Variants in SYN3 observed in about 807,000 individuals in gnomAD.
The protein encoded by SYN3 is synapsin-3.
In SYN3, 35 loss-of-function variants were observed where a neutral mutation model predicts 65.8. The observed-to-expected ratio is 0.53, with a 90% confidence interval of 0.41 to 0.70. The LOEUF is 0.70. SYN3 is among the 30% of genes least tolerant of loss of function. SYN3 has a pLI of 0.00. For synonymous variants in SYN3, 270 were observed against 292.9 expected (o/e 0.92, Z 0.80); for missense variants, 680 against 749.0 (o/e 0.91, Z 1.08).
At chr22:32,926,585 G>T (rs62234180) in intron 4 of SYN3, among the ~76,000 whole-genome samples, 6,602 of 152,082 alleles carry the variant, frequency 0.043, 166 homozygotes, top group Middle Eastern at 0.092. Context: ...GCTTTCTTTT[G>T]CTGCACAGTT....
intron 2 of SYN3, among the ~76,000 whole-genome samples, chr22:32,990,937 G>A (rs2052694923): frequency 1.3e-5 from 2 of 152,208 alleles, no homozygotes; most frequent in East Asian, 1.9e-4. Flanking sequence ...TGTAATCCCA[G>A]CACTTTGGGA....
chr22:33,016,391 T>C (rs1227258767), intron 1 of SYN3, among the ~76,000 whole-genome samples: 1 of 152,240 alleles, frequency 6.6e-6, no homozygotes, highest in Non-Finnish European at 1.5e-5. Context: ...ATTATTAATG[T>C]TGCTGCTGCT....
At chr22:32,528,748 C>T in intron 11 of SYN3, 126 bp downstream of exon 11, 1 of 1,363,250 alleles carries the variant, frequency 7.3e-7, no homozygotes, top group Non-Finnish European at 9.9e-7. Flanking sequence ...CGTCCACACC[C>T]CCATTCCTTC....
intron 6 of SYN3, among the ~76,000 whole-genome samples, chr22:32,768,170 A>G (rs1472124489): frequency 6.6e-6 from 1 of 151,384 alleles, no homozygotes; most frequent in Non-Finnish European, 1.5e-5. Flanking sequence ...TTTTCTTTGC[A>G]TTTCTGCTAA....
chr22:32,853,893 C>T (rs989542558), intron 6 of SYN3, among the ~76,000 whole-genome samples: 6 of 152,138 alleles, frequency 3.9e-5, no homozygotes, highest in East Asian at 1.9e-4. Context: ...TTCCAAGTGG[C>T]GAACACAGGT....
At chr22:32,579,691 A>C (rs1183916743) in intron 7 of SYN3, among the ~76,000 whole-genome samples, 3 of 152,124 alleles carry the variant, frequency 2.0e-5, no homozygotes, top group African/African-American at 7.2e-5. Flanking sequence ...CAGAGCTCAA[A>C]GGTGTCCTTG....
chr22:32,716,249 A>G (rs773762014), intron 6 of SYN3, among the ~76,000 whole-genome samples: 12 of 152,010 alleles, frequency 7.9e-5, no homozygotes, highest in Non-Finnish European at 1.3e-4. Context: ...CTACTTGGAC[A>G]TGTGTCTGTG....
intron 1 of SYN3, among the ~76,000 whole-genome samples, chr22:33,042,244 T>A (rs1385761213): frequency 6.6e-6 from 1 of 152,186 alleles, no homozygotes; most frequent in Non-Finnish European, 1.5e-5. Flanking sequence ...TGTGGTAGTT[T>A]ATTATAACAG....
intron 3 of SYN3, among the ~76,000 whole-genome samples, chr22:32,970,944 A>G (rs5994648): frequency 0.2 from 30,472 of 152,244 alleles, 3,494 homozygotes; most frequent in Non-Finnish European, 0.26. Flanking sequence ...CTGGGTTCAA[A>G]TCCCATCTTC....
chr22:32,684,483 T>G (rs1601909235), intron 6 of SYN3, among the ~76,000 whole-genome samples: 2 of 152,334 alleles, frequency 1.3e-5, no homozygotes, highest in African/African-American at 4.8e-5. Flanking sequence ...TTGAAGGAGT[T>G]TATTAATTCA....
At chr22:32,945,065 T>G (rs1249784046) in intron 3 of SYN3, among the ~76,000 whole-genome samples, 1 of 152,138 alleles carries the variant, frequency 6.6e-6, no homozygotes, top group Non-Finnish European at 1.5e-5. Flanking sequence ...TGGAAGAACA[T>G]TCCATGCTCA....
chr22:32,935,829 T>C (rs1488195096), intron 3 of SYN3, among the ~76,000 whole-genome samples: 5 of 152,226 alleles, frequency 3.3e-5, no homozygotes, highest in Non-Finnish European at 4.4e-5. Flanking sequence ...TACATTCACA[T>C]GTAAGCTGTT....
At chr22:32,964,419 TAAAAA>T (rs201659599) in intron 3 of SYN3, among the ~76,000 whole-genome samples, 2 of 128,716 alleles carry the variant, frequency 1.6e-5, no homozygotes, top group African/African-American at 2.8e-5. Context: ...TAAAGTATAA[TAAAAA>T]AAAAAAAAAA....
chr22:32,544,940 G>T (rs1484240904), intron 7 of SYN3, among the ~76,000 whole-genome samples: 3 of 152,176 alleles, frequency 2.0e-5, no homozygotes, highest in Non-Finnish European at 4.4e-5. Context: ...CAGTCATGAT[G>T]CACCCTGATA....
intron 6 of SYN3, among the ~76,000 whole-genome samples, chr22:32,688,313 T>G (rs2060618762): frequency 6.6e-6 from 1 of 152,196 alleles, no homozygotes; most frequent in South Asian, 2.1e-4. Context: ...CTCTGGCCTG[T>G]GCTTCTGGTT....
In SYN3 at chr22:32,513,322, C is replaced by A. The variant is rs1340771150; in HGVS notation, c.*370G>T. 1 of 189,818 alleles carries A rather than the reference C, an allele frequency of 5.3e-6. No homozygotes were observed. 11.8% of individuals were successfully genotyped at this position (189,818 alleles called of 1,614,324 possible). On this transcript the variant is annotated 3_prime_UTR_variant, in exon 14 of 14. Coordinates refer to ENST00000358763, the MANE Select transcript of SYN3 (RefSeq NM_003490.4). ...GAGGTGGGGCAAGGCCTAGAGGGGG[C>A]CTTTGCCCAAAGGTGAGCCAAACAC...
At chr22:32,673,707 T>C (rs1056794909) in intron 6 of SYN3, among the ~76,000 whole-genome samples, 8 of 152,168 alleles carry the variant, frequency 5.3e-5, no homozygotes, top group Admixed American at 3.3e-4. Flanking sequence ...AGAGGGCGTA[T>C]TCTAGACAGA....
intron 6 of SYN3, among the ~76,000 whole-genome samples, chr22:32,787,982 G>C (rs562630527): frequency 1.3e-5 from 2 of 152,210 alleles, no homozygotes; most frequent in African/African-American, 2.4e-5. Flanking sequence ...ACACAAGTGA[G>C]AGTGGGAGAG....
rs557491824 is a variant in SYN3 at position 32,652,333 on chromosome 22, C to A, written c.712-55597G>T. 4.2e-3 allele frequency among the ~76,000 whole-genome samples: 633 copies of A among 151,476 alleles called. 1 individual carries two copies. Among genetic ancestry groups the A allele is most frequent in the Non-Finnish European group, 7.3e-3 (498 of 67,946 alleles). On this transcript the variant is annotated intron_variant, in intron 6 of 13. Transcript: ENST00000358763. The stretch of plus-strand genomic sequence containing the variant: ...CCACGAGCCATGACATGCTTCAGTC[C>A]TTCCACGCTAAGGGCATCTTTCCCA...
Sources: allele counts gnomAD v4.1 joint callset (sites outside exome capture counted in the v4.1 genomes callset), GRCh38; gene constraint gnomAD v4.1.1; transcripts MANE v1.5; gene names NCBI Gene and HGNC (gene_info 2026-07-23, HGNC 2026-07-21).